The following STK4 variants were observed in gnomAD, a reference collection of about 807,000 sequenced individuals.
STK4 encodes the protein serine/threonine kinase 4, also known as serine/threonine-protein kinase 4.
A neutral mutation model predicts 64.9 loss-of-function variants in STK4; 30 were observed. The observed-to-expected ratio is 0.46, with a 90% CI of 0.35 to 0.63. The LOEUF is 0.63. Among genes scored for constraint, STK4 ranks in the 20% least tolerant of loss-of-function variants. The pLI is 0.01. For missense variants in STK4, 466 were observed against 598.5 expected (o/e 0.78, Z 2.31); for synonymous variants, 177 against 199.0 (o/e 0.89, Z 0.93).
intron 2 of STK4, chr20:44,974,949 G>A (rs2067313457): frequency 6.6e-6 from 1 of 152,196 alleles, no homozygotes; most frequent in Non-Finnish European, 1.5e-5. Flanking sequence ...CAGGATGAGT[G>A]GAGAGCACTT....
At chr20:44,993,463 C>T (rs959508808) in intron 5 of STK4, among the ~76,000 whole-genome samples, 1 of 152,160 alleles carries the variant, frequency 6.6e-6, no homozygotes, top group Non-Finnish European at 1.5e-5. Context: ...TTTTGACTAT[C>T]ACCATTTGAA....
At chr20:45,052,277 A>AC (rs34663522) in intron 10 of STK4, among the ~76,000 whole-genome samples, 35 of 151,110 alleles carry the variant, frequency 2.3e-4, no homozygotes, top group East Asian at 3.9e-4. Context: ...CAACTCTTCC[A>AC]CCCCCCCCAG....
At chr20:45,071,419 C>T (rs759418151) in intron 10 of STK4, among the ~76,000 whole-genome samples, 3 of 152,148 alleles carry the variant, frequency 2.0e-5, no homozygotes, top group African/African-American at 4.8e-5. Context: ...GCTTGTTTTT[C>T]GGAAAAATCC....
intron 10 of STK4, among the ~76,000 whole-genome samples, chr20:45,054,373 G>GACC (rs1417333330): frequency 6.6e-6 from 1 of 152,078 alleles, no homozygotes; most frequent in Non-Finnish European, 1.5e-5. Context: ...AGACCAGCCT[G>GACC]ACCAATGTAG....
rs1176438410 is a variant in STK4 at position 44,978,554 on chromosome 20, A to C, written c.228A>C (p.Ile76=). ...DLQEIIKEIS[I]MQQCDSPHVV... ...AGGAGATAATCAAAGAAATCTCTAT[A>C]ATGCAGCAATGTGACAGGTAAAGGC... The change falls in exon 3 of 11, where the codon ATA becomes ATC. Residue 76 remains isoleucine, a synonymous_variant. Transcript: ENST00000372806. 2 of 1,613,870 alleles carry C rather than the reference A, an allele frequency of 1.2e-6. No individual in the cohort carries two copies.
At chr20:45,046,427 C>G (rs979622159) in intron 10 of STK4, among the ~76,000 whole-genome samples, 2 of 150,150 alleles carry the variant, frequency 1.3e-5, no homozygotes, top group Non-Finnish European at 1.5e-5. Context: ...AGAATGAGAC[C>G]CTATCTCAAA....
intron 7 of STK4, among the ~76,000 whole-genome samples, chr20:44,998,079 A>T (rs1277005722): frequency 6.6e-6 from 1 of 152,222 alleles, no homozygotes. Flanking sequence ...ACAAAGAATT[A>T]AGAGCAGTGG....
At chr20:44,982,889 A>G (rs1382498854) in intron 4 of STK4, among the ~76,000 whole-genome samples, 1 of 152,218 alleles carries the variant, frequency 6.6e-6, no homozygotes, top group African/African-American at 2.4e-5. Flanking sequence ...TATAATAATG[A>G]TATATACTAT....
At chr20:45,054,946 T>A (rs1978343074) in intron 10 of STK4, among the ~76,000 whole-genome samples, 1 of 152,148 alleles carries the variant, frequency 6.6e-6, no homozygotes, top group Non-Finnish European at 1.5e-5. Flanking sequence ...CACCTGTCCT[T>A]GTGATTTCTT....
chr20:45,044,647 C>T lies in STK4; in HGVS notation c.1305+19517C>T, dbSNP rs574900293. ...TCCAGTCTGGGCAACAGAGCAAGAT[C>T]GTGTCTCAAAAAAAAGAAAAAAGTT... On this transcript the variant is annotated intron_variant, in intron 10 of 10. Coordinates refer to ENST00000372806, the MANE Select transcript of STK4 (RefSeq NM_006282.5). 1.1e-4 allele frequency among the ~76,000 whole-genome samples: 16 copies of T among 151,860 alleles called. No homozygotes were observed. The South Asian group carries it at 3.1e-3, about 30-fold the overall frequency.
chr20:45,040,070 G>A (rs1194258104), intron 10 of STK4, among the ~76,000 whole-genome samples: 2 of 146,422 alleles, frequency 1.4e-5, no homozygotes, highest in Non-Finnish European at 3.0e-5. Flanking sequence ...TTTGGCAAGG[G>A]TATTTCATAG....
chr20:45,065,140 G>GT (rs1979451019), intron 10 of STK4, among the ~76,000 whole-genome samples: 1 of 138,930 alleles, frequency 7.2e-6, no homozygotes, highest in Non-Finnish European at 1.6e-5. Flanking sequence ...AGTTTGTTGA[G>GT]GTTTTTTTTT....
At chr20:45,028,897 T>G (rs1035312298) in intron 10 of STK4, among the ~76,000 whole-genome samples, 2 of 151,788 alleles carry the variant, frequency 1.3e-5, no homozygotes, top group African/African-American at 4.8e-5. Flanking sequence ...TTAGAGAGAG[T>G]ACTTTTTATT....
At chr20:45,003,585 G>A (rs2067879633) in intron 9 of STK4, among the ~76,000 whole-genome samples, 1 of 151,778 alleles carries the variant, frequency 6.6e-6, no homozygotes, top group Non-Finnish European at 1.5e-5. Flanking sequence ...TCTATGAAAT[G>A]TTTATCCTTG....
intron 10 of STK4, among the ~76,000 whole-genome samples, chr20:45,034,531 A>G (rs2068495864): frequency 6.6e-6 from 1 of 152,204 alleles, no homozygotes; most frequent in Non-Finnish European, 1.5e-5. Context: ...ATACTTTTGA[A>G]CAAGAAGAAC....
At chr20:45,070,434 A>T (rs917834574) in intron 10 of STK4, among the ~76,000 whole-genome samples, 1 of 152,164 alleles carries the variant, frequency 6.6e-6, no homozygotes, top group Non-Finnish European at 1.5e-5. Flanking sequence ...GGATGTTGGC[A>T]GGAGGCGGGG....
At chr20:45,002,902 A>AT (rs767515878) in intron 9 of STK4, among the ~76,000 whole-genome samples, 90 of 146,758 alleles carry the variant, frequency 6.1e-4, no homozygotes, top group Admixed American at 8.2e-4. Flanking sequence ...TTTGGGCAAG[A>AT]TTTTTTTTTT....
At chr20:45,035,179 A>G (rs2068508145) in intron 10 of STK4, among the ~76,000 whole-genome samples, 1 of 152,162 alleles carries the variant, frequency 6.6e-6, no homozygotes, top group South Asian at 2.1e-4. Context: ...ATACAGCTGC[A>G]TAGATAAAAA....
chr20:45,056,294 T>C (rs1479112296), intron 10 of STK4, among the ~76,000 whole-genome samples: 1 of 152,194 alleles, frequency 6.6e-6, no homozygotes, highest in South Asian at 2.1e-4. Context: ...GCCCTGTTTT[T>C]TGTCCCTAAA....
Sources: gnomAD v4.1 joint callset for allele counts (sites outside exome capture counted in the v4.1 genomes callset) on GRCh38, gnomAD v4.1.1 for gene constraint, MANE v1.5 for transcripts, NCBI Gene and HGNC (gene_info 2026-07-23, HGNC 2026-07-21) for gene names.